EPM2A: variants seen among roughly 807,000 people sequenced by gnomAD.
EPM2A encodes the protein EPM2A glucan phosphatase, laforin, also known as laforin.
Under a neutral mutation model 26.5 loss-of-function variants are expected in EPM2A, and 21 were observed. The observed-to-expected ratio is 0.79, with a 90% CI of 0.56 to 1.14. The LOEUF (loss-of-function observed/expected upper bound fraction) is 1.14. Ranked by LOEUF, EPM2A falls within the 50% of genes most tolerant of loss-of-function variation. The pLI, the probability that EPM2A is intolerant of heterozygous loss-of-function variation, is 0.00. For missense variants in EPM2A, 458 were observed against 440.8 expected (o/e 1.04, Z -0.35); for synonymous variants, 217 against 177.6 (o/e 1.22, Z -1.76).
intron 1 of EPM2A, chr6:145,705,805 T>TA: frequency 1.1e-5 from 5 of 452,870 alleles, no homozygotes; most frequent in Non-Finnish European, 2.2e-5. Flanking sequence ...AAGATATACT[T>TA]CTTCAACAGA....
intron 4 of EPM2A, among the ~76,000 whole-genome samples, chr6:145,436,493 C>CA (rs1254416962): frequency 2.6e-5 from 4 of 152,326 alleles, no homozygotes; most frequent in African/African-American, 9.6e-5. Context: ...TCCACCTCCT[C>CA]ACCCACATTT....
chr6:145,628,539 G>A (rs763909484), intron 3 of EPM2A: 24 of 152,174 alleles, frequency 1.6e-4, no homozygotes, highest in Non-Finnish European at 3.4e-4. Context: ...GAGATATTTT[G>A]TAAGTTGGGT....
At chr6:145,388,006 A>G (rs1778286279) in intron 4 of EPM2A, among the ~76,000 whole-genome samples, 2 of 152,160 alleles carry the variant, frequency 1.3e-5, no homozygotes, top group Non-Finnish European at 2.9e-5. Context: ...ACACAGGCAT[A>G]TATGTTTGTC....
At position 145,658,565 on chromosome 6, in the gene EPM2A, C is replaced by T. The variant is rs560006448; in HGVS notation, c.477-23079G>A. On this transcript the variant is annotated intron_variant, in intron 2 of 3. Coordinates refer to ENST00000367519, the MANE Select transcript of EPM2A (RefSeq NM_005670.4). ...AGTCTTATTCTGTAATAGCATAGTT[C>T]ACTGAATACCAGATGAAAGTTATGT... Among the ~76,000 whole-genome samples, 12 of 152,196 alleles carry T rather than the reference C, an allele frequency of 7.9e-5. No homozygotes were observed. In the East Asian group the frequency reaches 2.3e-3, roughly 29 times the overall value.
At chr6:145,508,585 C>T (rs1268750111) in intron 2 of EPM2A, among the ~76,000 whole-genome samples, 2 of 152,010 alleles carry the variant, frequency 1.3e-5, no homozygotes, top group African/African-American at 4.8e-5. Context: ...AAAAAATCAA[C>T]ACTCCCCATC....
At chr6:145,579,737 C>T (rs911383424) in intron 2 of EPM2A, among the ~76,000 whole-genome samples, 4 of 151,930 alleles carry the variant, frequency 2.6e-5, no homozygotes, top group South Asian at 4.2e-4. Context: ...GGGTTTTGTT[C>T]GGTTGTATGT....
intron 2 of EPM2A, among the ~76,000 whole-genome samples, chr6:145,669,590 A>T (rs1419793596): frequency 6.6e-6 from 1 of 152,178 alleles, no homozygotes; most frequent in Admixed American, 6.5e-5. Flanking sequence ...TAATAGATTT[A>T]ATTCTAGCAC....
At chr6:145,426,579 G>A (rs1242859362) in intron 4 of EPM2A, among the ~76,000 whole-genome samples, 1 of 152,158 alleles carries the variant, frequency 6.6e-6, no homozygotes. Context: ...TTATAATCAT[G>A]AGGAAGAGAA....
intron 4 of EPM2A, among the ~76,000 whole-genome samples, chr6:145,402,772 GTAAGTTTGAACT>G (rs1211695927): frequency 6.6e-6 from 1 of 152,122 alleles, no homozygotes; most frequent in Non-Finnish European, 1.5e-5. Context: ...AAACTCCTCT[GTAAGTTTGAACT>G]TAGGTCAAAA....
rs184075065 is a variant in EPM2A at position 145,402,397 on chromosome 6, T to A, written c.556-18300A>T. 1.4e-3 allele frequency among the ~76,000 whole-genome samples: 206 copies of A among 152,090 alleles called. 2 individuals carry two copies. The highest frequency in any genetic ancestry group is 1.6e-3 in the Non-Finnish European group (106 of 68,014). On this transcript the variant is annotated intron_variant, in intron 4 of 4. Transcript: ENST00000638717. ...TGAAATGTCCTGAAAAAGAGAGAAATCTTCCAGATTAAAGGAGATAAAGAC... is the reference window on the plus strand; with the variant it reads ...TGAAATGTCCTGAAAAAGAGAGAAAACTTCCAGATTAAAGGAGATAAAGAC...
chr6:145,446,437 G>A lies in EPM2A; in HGVS notation c.555+56085C>T, dbSNP rs77745064. ...CTTGGTTTTCAGTTTGGTCATGTTT[G>A]CAATATGCCATGTAATTTTTGTTGA... On this transcript the variant is annotated intron_variant, in intron 4 of 4. Coordinates refer to the EPM2A transcript ENST00000638717. Among the ~76,000 whole-genome samples the A allele has an allele frequency of 2.3e-3, 352 of 152,220 alleles. 4 individuals are homozygous for A. The East Asian group carries it at 0.031, about 13-fold the overall frequency.
At chr6:145,627,739 A>G (rs756545879) in intron 3 of EPM2A, 46 bp from the exon 4 acceptor site, 3 of 1,602,602 alleles carry the variant, frequency 1.9e-6, no homozygotes, top group Non-Finnish European at 1.7e-6. Context: ...CTAAACCACC[A>G]GATACCGCCG....
At chr6:145,594,097 G>C (rs1781309299) in intron 2 of EPM2A, among the ~76,000 whole-genome samples, 1 of 151,606 alleles carries the variant, frequency 6.6e-6, no homozygotes, top group Admixed American at 6.6e-5. Flanking sequence ...CTGATCCATG[G>C]CTACTAAAAG....
At chr6:145,656,639 A>G (rs1164427879) in intron 2 of EPM2A, among the ~76,000 whole-genome samples, 1 of 152,240 alleles carries the variant, frequency 6.6e-6, no homozygotes, top group African/African-American at 2.4e-5. Flanking sequence ...GATCAATATC[A>G]GGTTTTGGCA....
intron 4 of EPM2A, among the ~76,000 whole-genome samples, chr6:145,479,620 G>T (rs1206130476): frequency 6.6e-6 from 1 of 151,846 alleles, no homozygotes; most frequent in Non-Finnish European, 1.5e-5. Flanking sequence ...TACTTTTTAT[G>T]GCTCTATATG....
At chr6:145,516,810 A>G (rs1472934) in intron 2 of EPM2A, among the ~76,000 whole-genome samples, 12,210 of 152,246 alleles carry the variant, frequency 0.08, 574 homozygotes, top group East Asian at 0.17. Context: ...GGTTAAAAAT[A>G]GAACTACCAT....
At chr6:145,475,379 T>C (rs1435671324) in intron 4 of EPM2A, among the ~76,000 whole-genome samples, 4 of 152,078 alleles carry the variant, frequency 2.6e-5, no homozygotes, top group African/African-American at 7.2e-5. Flanking sequence ...AACCGAACAC[T>C]GCATGTTCTC....
chr6:145,495,192 G>A (rs756237305), intron 4 of EPM2A, among the ~76,000 whole-genome samples: 1 of 152,116 alleles, frequency 6.6e-6, no homozygotes, highest in African/African-American at 2.4e-5. Context: ...TATATGTTTA[G>A]GATAGTTAGC....
intron 2 of EPM2A, among the ~76,000 whole-genome samples, chr6:145,518,624 CAA>C (rs1285127428): frequency 1.0e-5 from 1 of 96,240 alleles, no homozygotes; most frequent in East Asian, 3.6e-4. Context: ...AAAAAAAAAA[CAA>C]AGAGGTTTTG....
Sources: gnomAD v4.1 joint callset for allele counts (sites outside exome capture counted in the v4.1 genomes callset) on GRCh38, gnomAD v4.1.1 for gene constraint, MANE v1.5 for transcripts, NCBI Gene and HGNC (gene_info 2026-07-23, HGNC 2026-07-21) for gene names.